The following CCSER2 variants were observed in gnomAD, a reference collection of about 807,000 sequenced individuals.
The protein encoded by CCSER2 is serine-rich coiled-coil domain-containing protein 2.
A neutral mutation model predicts 92.3 loss-of-function variants in CCSER2; 46 were observed. The ratio of observed to expected loss-of-function variants is 0.50; its 90% CI spans 0.39 to 0.64. The LOEUF (loss-of-function observed/expected upper bound fraction) is 0.64. CCSER2 is among the 30% of genes least tolerant of loss of function. CCSER2 has a pLI of 0.00. For missense variants in CCSER2, 1,244 were observed against 1,238.9 expected, an observed-to-expected ratio of 1.00 and a Z score of -0.06; for synonymous variants, 433 against 431.4, an observed-to-expected ratio of 1.00 and a Z score of -0.04.
intron 3 of CCSER2, among the ~76,000 whole-genome samples, chr10:84,379,952 A>G (rs1840807277): frequency 6.6e-6 from 1 of 152,190 alleles, no homozygotes; most frequent in Admixed American, 6.5e-5. Context: ...AGCAGTGAAC[A>G]TTCGGATTCA....
intron 1 of CCSER2, among the ~76,000 whole-genome samples, chr10:84,342,169 A>G (rs72841163): frequency 0.084 from 12,731 of 152,220 alleles, 669 homozygotes; most frequent in South Asian, 0.19. Flanking sequence ...AGGGCTCCCC[A>G]GCTAGCAGTC....
At chr10:84,499,138 A>C (rs1848592528) in intron 9 of CCSER2, among the ~76,000 whole-genome samples, 1 of 152,112 alleles carries the variant, frequency 6.6e-6, no homozygotes, top group African/African-American at 2.4e-5. Context: ...TTTAAGAAGA[A>C]ATTTTATTTT....
rs1293617331 is a variant in CCSER2 at position 84,425,865 on chromosome 10, C to A, written c.1840C>A (p.His614Asn). The change falls in exon 5 of 10, where the codon CAT (histidine) becomes AAT (asparagine). Residue 614 changes from histidine to asparagine, a missense_variant. By Grantham distance (68) the His-to-Asn change is moderately conservative. Coordinates refer to ENST00000372088, the MANE Select transcript of CCSER2 (RefSeq NM_001284240.2). Reference sequence around the variant, plus strand: ...CCACCTCAGCCACCCTGACCACTATCATCACCATGGAAAAAGTGACTTGAG... The same window carrying A: ...CCACCTCAGCCACCCTGACCACTATAATCACCATGGAAAAAGTGACTTGAG... ...HYHLSHPDHY[H>N]HHGKSDLSRG... 2 of 1,609,390 alleles carry A rather than the reference C, an allele frequency of 1.2e-6. No individual in the cohort carries two copies. The highest frequency in any genetic ancestry group is 8.5e-7 in the Non-Finnish European group (1 of 1,177,632).
chr10:84,492,124 A>C (rs1342114967), intron 9 of CCSER2, among the ~76,000 whole-genome samples: 3 of 152,060 alleles, frequency 2.0e-5, no homozygotes, highest in African/African-American at 4.8e-5. Flanking sequence ...CTAAAAATAC[A>C]AAATATTATC....
At chr10:84,409,487 A>G (rs1038108272) in intron 3 of CCSER2, among the ~76,000 whole-genome samples, 1 of 152,042 alleles carries the variant, frequency 6.6e-6, no homozygotes, top group Non-Finnish European at 1.5e-5. Flanking sequence ...GTTTCTTTCC[A>G]AGTATTTTCT....
At chr10:84,346,166 G>T (rs914817978) in intron 1 of CCSER2, among the ~76,000 whole-genome samples, 3 of 152,204 alleles carry the variant, frequency 2.0e-5, no homozygotes, top group African/African-American at 7.2e-5. Context: ...CCGGGTTCAA[G>T]CGATTCTTCT....
chr10:84,507,508 A>G (rs1343939659), intron 9 of CCSER2, among the ~76,000 whole-genome samples: 2 of 152,190 alleles, frequency 1.3e-5, no homozygotes, highest in African/African-American at 4.8e-5. Flanking sequence ...AATAACAATA[A>G]ACTTGTATGT....
At chr10:84,443,847 A>G (rs1413996839) in intron 6 of CCSER2, among the ~76,000 whole-genome samples, 2 of 152,196 alleles carry the variant, frequency 1.3e-5, no homozygotes, top group Admixed American at 6.5e-5. Context: ...TTGCAGGGAC[A>G]TAGATAGAGC....
intron 9 of CCSER2, among the ~76,000 whole-genome samples, chr10:84,496,514 T>G (rs1848458881): frequency 6.6e-6 from 1 of 151,924 alleles, no homozygotes; most frequent in South Asian, 2.1e-4. Flanking sequence ...CTGGATCTCC[T>G]GACCTCGTGA....
At chr10:84,421,912 A>T (rs1843171548) in intron 4 of CCSER2, among the ~76,000 whole-genome samples, 1 of 152,148 alleles carries the variant, frequency 6.6e-6, no homozygotes, top group Admixed American at 6.5e-5. Flanking sequence ...ATGGTGATAG[A>T]TGGAGGGCGG....
At chr10:84,353,667 T>C (rs1844993134) in intron 1 of CCSER2, among the ~76,000 whole-genome samples, 3 of 152,120 alleles carry the variant, frequency 2.0e-5, no homozygotes, top group Non-Finnish European at 4.4e-5. Context: ...AGGCACAATG[T>C]TTACCATTCC....
At chr10:84,457,554 T>A (rs59820752) in intron 6 of CCSER2, among the ~76,000 whole-genome samples, 6 of 116,620 alleles carry the variant, frequency 5.1e-5, no homozygotes, top group African/African-American at 2.0e-4. Context: ...TAATGTATAT[T>A]ATTATATATA....
At chr10:84,455,769 C>T (rs1021973802) in intron 6 of CCSER2, 1 of 1,114,218 alleles carries the variant, frequency 9.0e-7, no homozygotes, top group Non-Finnish European at 1.4e-6. Flanking sequence ...ACTTGATGAA[C>T]TCCAGTTAAG....
chr10:84,415,776 G>A (rs887486404), intron 3 of CCSER2, among the ~76,000 whole-genome samples: 1 of 152,202 alleles, frequency 6.6e-6, no homozygotes, highest in Non-Finnish European at 1.5e-5. Flanking sequence ...TGACCAGACG[G>A]CAGAGATGGC....
At chr10:84,444,827 C>T (rs904893417) in intron 6 of CCSER2, among the ~76,000 whole-genome samples, 1 of 152,158 alleles carries the variant, frequency 6.6e-6, no homozygotes, top group African/African-American at 2.4e-5. Context: ...TGGTTTTACT[C>T]AAATTAAGAT....
At chr10:84,487,268 C>T (rs909315197) in intron 9 of CCSER2, among the ~76,000 whole-genome samples, 1 of 152,042 alleles carries the variant, frequency 6.6e-6, no homozygotes, top group African/African-American at 2.4e-5. Context: ...TAGTTTTTTC[C>T]AATTCTGTGA....
chr10:84,486,066 C>T (rs1359930321), intron 9 of CCSER2, among the ~76,000 whole-genome samples: 1 of 152,156 alleles, frequency 6.6e-6, no homozygotes, highest in Non-Finnish European at 1.5e-5. Flanking sequence ...CTACAAAGGA[C>T]ATGAACTCAT....
At chr10:84,352,371 G>C (rs1218884088) in intron 1 of CCSER2, among the ~76,000 whole-genome samples, 1 of 152,082 alleles carries the variant, frequency 6.6e-6, no homozygotes, top group Non-Finnish European at 1.5e-5. Context: ...CTTGAAGGTA[G>C]AGGAGCCAAG....
chr10:84,499,833 C>T (rs1208431581), intron 9 of CCSER2: 9 of 1,605,092 alleles, frequency 5.6e-6, no homozygotes, highest in South Asian at 3.3e-5. Flanking sequence ...TTTTTGGTTC[C>T]CTTTTTTATT....
Sources: allele counts gnomAD v4.1 joint callset (sites outside exome capture counted in the v4.1 genomes callset), GRCh38; gene constraint gnomAD v4.1.1; transcripts MANE v1.5; gene names NCBI Gene and HGNC (gene_info 2026-07-23, HGNC 2026-07-21).